MEI1: variants seen among roughly 807,000 people sequenced by gnomAD.
The protein encoded by MEI1 is meiotic double-stranded break formation protein 1.
Under a neutral mutation model 146.2 loss-of-function variants are expected in MEI1, and 103 were observed. That is an observed-to-expected ratio of 0.70 (90% CI 0.60 to 0.83). The LOEUF (loss-of-function observed/expected upper bound fraction) is 0.83, where lower values mean the gene tolerates loss of function less well. MEI1 is among the 40% of genes least tolerant of loss of function. The pLI, the probability that MEI1 is intolerant of heterozygous loss-of-function variation, is 0.00. For missense variants in MEI1, 1,529 were observed against 1,533.0 expected (o/e 1.00, Z 0.04); for synonymous variants, 652 against 628.2 (o/e 1.04, Z -0.57).
chr22:41,701,268 T>G (rs2068707742), intron 1 of MEI1, among the ~76,000 whole-genome samples: 1 of 152,030 alleles, frequency 6.6e-6, no homozygotes, highest in Non-Finnish European at 1.5e-5. Flanking sequence ...TATTTCTGCA[T>G]TCAGTCTGTT....
At chr22:41,719,018 T>C (rs1270011108) in intron 6 of MEI1, among the ~76,000 whole-genome samples, 2 of 142,898 alleles carry the variant, frequency 1.4e-5, no homozygotes, top group African/African-American at 5.3e-5. Flanking sequence ...AGTCTCACAC[T>C]GTTGCCCAGG....
intron 6 of MEI1, among the ~76,000 whole-genome samples, chr22:41,722,346 G>A (rs1173321770): frequency 2.0e-5 from 3 of 151,972 alleles, no homozygotes; most frequent in African/African-American, 7.3e-5. Flanking sequence ...TGCCCAGGCT[G>A]AAGTACAGTA....
At position 41,790,854 on chromosome 22, in the gene MEI1, GC is replaced by G. The variant is rs2076155384; in HGVS notation, c.3346-2974del. Among the ~76,000 whole-genome samples the G allele has an allele frequency of 2.0e-5, 3 of 151,988 alleles. No homozygotes were observed. In the South Asian group the frequency reaches 6.2e-4, roughly 32 times the overall value. On this transcript the variant is annotated intron_variant, in intron 26 of 30. Transcript: ENST00000401548. ...GATCCGCCCACCTCAGCCCCGAAGT[GC>G]TGGGATTACAGGCGTGAGCCACCAC...
chr22:41,747,850 A>C (rs1024756646), intron 14 of MEI1, among the ~76,000 whole-genome samples: 1 of 151,944 alleles, frequency 6.6e-6, no homozygotes, highest in Non-Finnish European at 1.5e-5. Context: ...TACACACCAG[A>C]CCACATTTGT....
At chr22:41,763,449 G>A in intron 19 of MEI1, 128 bp downstream of exon 19, 1 of 996,570 alleles carries the variant, frequency 1.0e-6, no homozygotes. Context: ...GAGGTGTTAG[G>A]AGTGTGGAGA....
At chr22:41,789,831 G>A (rs1307308641) in intron 26 of MEI1, among the ~76,000 whole-genome samples, 1 of 152,194 alleles carries the variant, frequency 6.6e-6, no homozygotes, top group Non-Finnish European at 1.5e-5. Context: ...AAGGTGCTGG[G>A]CCTACCCTGC....
chr22:41,728,483 A>C (rs1474457052), intron 7 of MEI1, among the ~76,000 whole-genome samples: 2 of 152,248 alleles, frequency 1.3e-5, no homozygotes, highest in Non-Finnish European at 2.9e-5. Context: ...TCATGCCTGT[A>C]ATCCCAGCAT....
chr22:41,785,364 G>A (rs184348183), intron 26 of MEI1, among the ~76,000 whole-genome samples: 2,322 of 151,918 alleles, frequency 0.015, 20 homozygotes, highest in Non-Finnish European at 0.022. Flanking sequence ...CCGGGTTCAC[G>A]CCATTCTCCT....
intron 3 of MEI1, among the ~76,000 whole-genome samples, chr22:41,707,063 C>A (rs914668096): frequency 6.7e-6 from 1 of 149,550 alleles, no homozygotes; most frequent in African/African-American, 2.5e-5. Context: ...ATTAGCCGGG[C>A]GCGGTGGCGG....
chr22:41,704,231 T>C (rs959576430), intron 2 of MEI1, among the ~76,000 whole-genome samples: 1 of 152,222 alleles, frequency 6.6e-6, no homozygotes, highest in Admixed American at 6.5e-5. Context: ...TTACTGCTTT[T>C]CTGTGCCAGA....
chr22:41,724,803 CT>C (rs74762751), intron 7 of MEI1, among the ~76,000 whole-genome samples: 4,752 of 138,658 alleles, frequency 0.034, 77 homozygotes, highest in African/African-American at 0.06. Context: ...TTTGTAAATT[CT>C]TTTTTTTTTT....
At chr22:41,784,868 C>T in intron 26 of MEI1, 85 bp downstream of exon 26, 2 of 1,076,546 alleles carry the variant, frequency 1.9e-6, no homozygotes, top group South Asian at 2.5e-5. Flanking sequence ...GATACTCCTA[C>T]CAGGGCTTGG....
At chr22:41,751,221 T>A (rs1033774393) in intron 15 of MEI1, among the ~76,000 whole-genome samples, 7 of 152,122 alleles carry the variant, frequency 4.6e-5, no homozygotes, top group African/African-American at 1.7e-4. Flanking sequence ...CCTGGGAAAG[T>A]CATGGGTTAA....
intron 24 of MEI1, among the ~76,000 whole-genome samples, chr22:41,782,780 A>G (rs1341706499): frequency 6.6e-6 from 1 of 152,186 alleles, no homozygotes; most frequent in Non-Finnish European, 1.5e-5. Flanking sequence ...AGCTGTCTGC[A>G]GTCACCTGCC....
intron 15 of MEI1, 55 bp downstream of exon 15, chr22:41,748,273 C>G: frequency 9.0e-7 from 1 of 1,108,958 alleles, no homozygotes. Flanking sequence ...TTAGGCAATG[C>G]TCAGAGAGTA....
intron 1 of MEI1, 149 bp downstream of exon 1, chr22:41,699,861 C>A: frequency 1.8e-6 from 2 of 1,084,662 alleles, no homozygotes; most frequent in South Asian, 1.7e-5. Flanking sequence ...CAGCCCGTCC[C>A]GGACCCGGCC....
intron 3 of MEI1, chr22:41,709,598 A>G (rs1601651839): frequency 2.1e-5 from 9 of 430,338 alleles, no homozygotes; most frequent in South Asian, 1.7e-4. Flanking sequence ...AAAGGTCTGA[A>G]TCTTCAGTGG....
In MEI1 at chr22:41,758,428, A is replaced by C; in HGVS notation, c.2015A>C (p.Glu672Ala). The C allele has an allele frequency of 6.2e-7, 1 of 1,613,956 alleles. No homozygotes were observed. Among genetic ancestry groups the C allele is most frequent in the Non-Finnish European group, 8.5e-7 (1 of 1,179,882 alleles). ...GLPQISSRSP[E>A]SLAFLSDRQY... ...CCCCAGATAAGCAGCAGGAGCCCTG[A>C]AAGCCTTGCCTTCCTGTCTGATCGC... Residue 672 changes from glutamate (E) to alanine (A), a missense_variant, in exon 18 of 31, where the codon GAA becomes GCA. Physicochemically the swap from Glu to Ala is moderately radical, Grantham distance 107. This residue lies in a region of MEI1 where 1,212 missense variants were observed against 1,178.9 expected (regional missense o/e 1.03). Coordinates refer to ENST00000401548, the MANE Select transcript of MEI1 (RefSeq NM_152513.4).
chr22:41,732,250 G>A lies in MEI1; in HGVS notation c.1102G>A (p.Glu368Lys), dbSNP rs1163707674. 6.8e-6 allele frequency: 11 copies of A among 1,608,832 alleles called. No homozygotes were observed. Among genetic ancestry groups the A allele is most frequent in the Non-Finnish European group, 9.3e-6 (11 of 1,177,792 alleles). Residue 368 changes from glutamate to lysine, a missense_variant, in exon 10 of 31, where the codon GAG becomes AAG. Physicochemically the swap from Glu to Lys is moderately conservative, Grantham distance 56. Coordinates refer to ENST00000401548, the MANE Select transcript of MEI1 (RefSeq NM_152513.4). ...GTCATGTCATCCTGTGGTAGGGATC[G>A]AGGCAGTGGTGAGGAGCCTGCAGGG... ...FSKCHTVYGI[E>K]AVVRSLQGSL...
Sources: allele counts gnomAD v4.1 joint callset (sites outside exome capture counted in the v4.1 genomes callset), GRCh38; gene constraint gnomAD v4.1.1; regional missense constraint gnomAD v4.1.1; transcripts MANE v1.5; gene names NCBI Gene and HGNC (gene_info 2026-07-23, HGNC 2026-07-21).